TENM3: variants seen among roughly 807,000 people sequenced by gnomAD.
The protein encoded by TENM3 is teneurin-3.
TENM3 carries 63 observed loss-of-function variants against 255.1 expected under a neutral mutation model. That is an observed-to-expected ratio of 0.25 (90% CI 0.20 to 0.30). TENM3 has a LOEUF of 0.30. Ranked by LOEUF, TENM3 falls within the 10% of genes least tolerant of loss-of-function variation. TENM3 has a pLI of 1.00. For missense variants in TENM3, 2,929 were observed against 3,461.1 expected (o/e 0.85, Z 3.86); for synonymous variants, 1,306 against 1,322.3 (o/e 0.99, Z 0.27).
At chr4:182,145,022 C>A (rs1004289066) in intron 1 of TENM3, 3 of 152,064 alleles carry the variant, frequency 2.0e-5, no homozygotes, top group South Asian at 2.1e-4. Context: ...GCCGCGCCCC[C>A]GTACTGGGGA....
the TENM3 span, among the ~76,000 whole-genome samples, chr4:181,936,670 A>G: frequency 6.6e-6 from 1 of 152,166 alleles, no homozygotes; most frequent in African/African-American, 2.4e-5. Flanking sequence ...ATGGCAGTGA[A>G]ATGTGTTGAG....
the TENM3 span, among the ~76,000 whole-genome samples, chr4:181,785,771 A>G: frequency 6.6e-6 from 1 of 151,874 alleles, no homozygotes; most frequent in Non-Finnish European, 1.5e-5. Context: ...GATAAGGGAT[A>G]CTCATCCTGT....
intron 24 of TENM3, among the ~76,000 whole-genome samples, chr4:182,780,927 A>G (rs1402676499): frequency 6.6e-6 from 1 of 151,146 alleles, no homozygotes; most frequent in Non-Finnish European, 1.5e-5. Context: ...ACTTTGCTGA[A>G]GTTGCTTATG....
At chr4:182,421,285 A>G (rs560444010) in intron 3 of TENM3, among the ~76,000 whole-genome samples, 75 of 152,252 alleles carry the variant, frequency 4.9e-4, no homozygotes, top group Non-Finnish European at 9.1e-4. Flanking sequence ...TAGAGAGGAC[A>G]CTATCTCCAA....
the TENM3 span, among the ~76,000 whole-genome samples, chr4:181,701,467 C>T: frequency 2.0e-5 from 3 of 152,130 alleles, no homozygotes; most frequent in African/African-American, 7.2e-5. Context: ...CCAGAAAACC[C>T]TGTAGTCAGA....
the TENM3 span, among the ~76,000 whole-genome samples, chr4:181,565,629 G>T: frequency 6.6e-6 from 1 of 152,136 alleles, no homozygotes; most frequent in Non-Finnish European, 1.5e-5. Flanking sequence ...AGAAACAGCT[G>T]AGCTAAATCT....
At chr4:182,756,991 A>T (rs945097087) in intron 22 of TENM3, among the ~76,000 whole-genome samples, 1 of 152,134 alleles carries the variant, frequency 6.6e-6, no homozygotes, top group Non-Finnish European at 1.5e-5. Flanking sequence ...ATCAGATGAG[A>T]CTGGGCAGGA....
At chr4:181,540,687 G>A in the TENM3 span, among the ~76,000 whole-genome samples, 1 of 152,220 alleles carries the variant, frequency 6.6e-6, no homozygotes, top group Non-Finnish European at 1.5e-5. Context: ...TCCCCATAGT[G>A]AGACATTCTA....
chr4:182,405,177 G>A (rs1314358034), intron 3 of TENM3, among the ~76,000 whole-genome samples: 1 of 152,062 alleles, frequency 6.6e-6, no homozygotes, highest in Non-Finnish European at 1.5e-5. Context: ...TCCCTAGAAC[G>A]TCCAGCTGGC....
chr4:181,643,555 C>T, the TENM3 span, among the ~76,000 whole-genome samples: 1 of 152,010 alleles, frequency 6.6e-6, no homozygotes, highest in Admixed American at 6.6e-5. Flanking sequence ...TGGTTGATGG[C>T]TCTGTGTAGA....
At chr4:182,577,607 T>C (rs899779833) in intron 3 of TENM3, among the ~76,000 whole-genome samples, 2 of 152,336 alleles carry the variant, frequency 1.3e-5, no homozygotes, top group African/African-American at 4.8e-5. Context: ...ACTGCAGTGG[T>C]TATTTCAGAA....
At chr4:182,234,312 G>A (rs768512680) in intron 1 of TENM3, among the ~76,000 whole-genome samples, 2 of 152,196 alleles carry the variant, frequency 1.3e-5, no homozygotes, top group Admixed American at 6.5e-5. Flanking sequence ...CCTTAATCAC[G>A]GTGCTACCTC....
intron 3 of TENM3, among the ~76,000 whole-genome samples, chr4:182,373,422 A>G (rs1320215253): frequency 2.0e-5 from 3 of 152,188 alleles, no homozygotes; most frequent in Non-Finnish European, 4.4e-5. Flanking sequence ...CATGGCGCCA[A>G]CATCTACTTC....
At chr4:182,510,543 A>T (rs545522887) in intron 3 of TENM3, among the ~76,000 whole-genome samples, 1 of 152,282 alleles carries the variant, frequency 6.6e-6, no homozygotes, top group Admixed American at 6.5e-5. Flanking sequence ...CTATGCTGTT[A>T]AGTTCTCTTA....
At chr4:181,535,503 G>A in the TENM3 span, among the ~76,000 whole-genome samples, 1 of 152,072 alleles carries the variant, frequency 6.6e-6, no homozygotes, top group Admixed American at 6.6e-5. Flanking sequence ...TAATAAACAG[G>A]GTAATCCTGT....
chr4:182,508,747 T>C (rs964175188), intron 3 of TENM3, among the ~76,000 whole-genome samples: 1 of 152,230 alleles, frequency 6.6e-6, no homozygotes, highest in Non-Finnish European at 1.5e-5. Context: ...TCTTCTTTCC[T>C]TTGAATCACA....
intron 3 of TENM3, among the ~76,000 whole-genome samples, chr4:182,404,990 G>A (rs1769461656): frequency 6.6e-6 from 1 of 152,208 alleles, no homozygotes; most frequent in Non-Finnish European, 1.5e-5. Flanking sequence ...CATCGGGAAG[G>A]TGGCTGAGAA....
chr4:181,832,265 T>C, the TENM3 span, among the ~76,000 whole-genome samples: 2 of 152,138 alleles, frequency 1.3e-5, no homozygotes, highest in Non-Finnish European at 1.5e-5. Context: ...GAAAAAGACC[T>C]GAAACAATGA....
chr4:182,009,019 G>A, the TENM3 span, among the ~76,000 whole-genome samples: 1 of 152,024 alleles, frequency 6.6e-6, no homozygotes, highest in African/African-American at 2.4e-5. Flanking sequence ...GTTTGCTGGG[G>A]GTTCACTTCA....
Sources: gnomAD v4.1 joint callset for allele counts (sites outside exome capture counted in the v4.1 genomes callset) on GRCh38, gnomAD v4.1.1 for gene constraint, MANE v1.5 for transcripts, NCBI Gene and HGNC (gene_info 2026-07-23, HGNC 2026-07-21) for gene names.